Variants in ATP12A observed in about 807,000 individuals in gnomAD.
ATP12A encodes ATPase H+/K+ transporting non-gastric alpha2 subunit.
ATP12A carries 81 observed loss-of-function variants against 111.2 expected under a neutral mutation model. That is an observed-to-expected ratio of 0.73 (90% CI 0.61 to 0.88). The LOEUF is 0.88. ATP12A is among the 40% of genes least tolerant of loss of function. The pLI, the probability that ATP12A is intolerant of heterozygous loss-of-function variation, is 0.00. For synonymous variants in ATP12A, 498 were observed against 499.8 expected (o/e 1.00, Z 0.05); for missense variants, 1,196 against 1,313.1 (o/e 0.91, Z 1.38).
chr13:24,689,330 A>G lies in ATP12A; in HGVS notation c.501A>G (p.Ala167=). 1 of 1,614,108 alleles carries G rather than the reference A, an allele frequency of 6.2e-7. No individual in the cohort carries two copies. The highest frequency in any genetic ancestry group is 1.7e-5 in the Admixed American group (1 of 60,018). The change falls in exon 5 of 23, where the codon GCA becomes GCG. Residue 167 remains alanine (A), a synonymous_variant. Coordinates refer to ENST00000381946, the MANE Select transcript of ATP12A (RefSeq NM_001676.7). ...LTGIFAYYQE[A]KSTNIMSSFN... Reference sequence around the variant, plus strand: ...GGATCTTTGCTTATTACCAAGAGGCAAAAAGCACCAACATCATGTCCAGCT... The same window carrying G: ...GGATCTTTGCTTATTACCAAGAGGCGAAAAGCACCAACATCATGTCCAGCT...
In ATP12A at chr13:24,690,435, C is replaced by T. The variant is rs1874834049; in HGVS notation, c.644C>T (p.Pro215Leu). The change falls in exon 6 of 23, where the codon CCT becomes CTT. Residue 215 changes from proline to leucine, a missense_variant. Transcript: ENST00000381946. ...IVEVKGGDQIPADIRVLSSQG... is the reference protein window; with the variant it reads ...IVEVKGGDQILADIRVLSSQG... ...GAGGTCAAAGGAGGAGACCAGATCC[C>T]TGCAGACATCAGGGTGCTGTCTTCT... The T allele has an allele frequency of 1.9e-6, 3 of 1,613,754 alleles. No individual in the cohort carries two copies. Among genetic ancestry groups the T allele is most frequent in the Non-Finnish European group, 2.5e-6 (3 of 1,179,950 alleles).
chr13:24,704,247 C>T (rs1321054052), intron 14 of ATP12A: 6 of 152,264 alleles, frequency 3.9e-5, no homozygotes. Flanking sequence ...TTCTGCTCGC[C>T]TTGGCTTCCC....
At chr13:24,681,515 C>T (rs202086481) in intron 1 of ATP12A, 47 bp from the exon 2 acceptor site, 47 of 1,590,740 alleles carry the variant, frequency 3.0e-5, no homozygotes, top group East Asian at 1.6e-4. Flanking sequence ...AGCACCTCTT[C>T]GGAAACCCCA....
At chr13:24,690,888 A>G (rs1414769609) in intron 7 of ATP12A, 94 bp from the exon 8 acceptor site, 17 of 1,533,512 alleles carry the variant, frequency 1.1e-5, no homozygotes, top group South Asian at 1.2e-5. Context: ...TGGTGTGCCT[A>G]TCGATTGTGC....
chr13:24,696,962 CTGT>C (rs1875194542), intron 11 of ATP12A, among the ~76,000 whole-genome samples: 2 of 152,188 alleles, frequency 1.3e-5, no homozygotes, highest in Admixed American at 6.5e-5. Flanking sequence ...ACACACTGGT[CTGT>C]TAAGACATTT....
In ATP12A at chr13:24,690,968, T is replaced by C. The variant is rs753297555; in HGVS notation, c.800-14T>C. On this transcript the variant is annotated splice_polypyrimidine_tract_variant and intron_variant, in intron 7 of 22. Coordinates refer to ENST00000381946, the MANE Select transcript of ATP12A (RefSeq NM_001676.7). Reference sequence around the variant, plus strand: ...CTGAGGACCCCTGGAATAAAGCATCTACTTCCCCTGTAGGCACTGTCACCG... The same window carrying C: ...CTGAGGACCCCTGGAATAAAGCATCCACTTCCCCTGTAGGCACTGTCACCG... 1 of 1,613,406 alleles carries C rather than the reference T, an allele frequency of 6.2e-7. No individual in the cohort carries two copies. The highest frequency in any genetic ancestry group is 8.5e-7 in the Non-Finnish European group (1 of 1,179,336).
At chr13:24,704,147 G>A (rs1875514686) in intron 14 of ATP12A, among the ~76,000 whole-genome samples, 1 of 152,076 alleles carries the variant, frequency 6.6e-6, no homozygotes, top group Non-Finnish European at 1.5e-5. Flanking sequence ...ACAGGCATGT[G>A]CCACCACACC....
chr13:24,707,439 T>C lies in ATP12A; in HGVS notation c.2493+6T>C, dbSNP rs1875723293. 1 of 1,614,020 alleles carries C rather than the reference T, an allele frequency of 6.2e-7. No homozygotes were observed. Among genetic ancestry groups the C allele is most frequent in the African/African-American group, 1.3e-5 (1 of 74,912 alleles). ...TTGACTTGGGGACAGACATTGTAAGTGACACTGAAGGGAACAGGCTGTGAT... is the reference window on the plus strand; with the variant it reads ...TTGACTTGGGGACAGACATTGTAAGCGACACTGAAGGGAACAGGCTGTGAT... On this transcript the variant is annotated splice_donor_region_variant and intron_variant, in intron 17 of 22. Transcript: ENST00000381946.
At chr13:24,686,369 G>A (rs528178661) in intron 3 of ATP12A, among the ~76,000 whole-genome samples, 2 of 149,326 alleles carry the variant, frequency 1.3e-5, no homozygotes, top group South Asian at 2.1e-4. Context: ...AAACCCAGGA[G>A]GCAGAGGTTG....
At chr13:24,694,092 C>T (rs1265768691) in intron 10 of ATP12A, among the ~76,000 whole-genome samples, 1 of 152,216 alleles carries the variant, frequency 6.6e-6, no homozygotes, top group Non-Finnish European at 1.5e-5. Flanking sequence ...ACCTTGAACA[C>T]TCACGGACGA....
At chr13:24,683,088 C>T (rs1874541753) in intron 2 of ATP12A, among the ~76,000 whole-genome samples, 1 of 152,056 alleles carries the variant, frequency 6.6e-6, no homozygotes, top group African/African-American at 2.4e-5. Context: ...TCCCGAGTCA[C>T]TGGGATTACA....
chr13:24,711,101 C>T (rs149298158), intron 21 of ATP12A, among the ~76,000 whole-genome samples: 107 of 152,352 alleles, frequency 7.0e-4, no homozygotes, highest in Middle Eastern at 3.4e-3. Context: ...GGCCTTCATC[C>T]TCATCCAACA....
chr13:24,691,398 CTG>C, intron 8 of ATP12A, 148 bp downstream of exon 8: 1 of 1,017,946 alleles, frequency 9.8e-7, no homozygotes, highest in Non-Finnish European at 1.4e-6. Flanking sequence ...TCTGCATAGA[CTG>C]TTCCTTACAG....
At chr13:24,706,525 A>G in intron 15 of ATP12A, 62 bp downstream of exon 15, 1 of 1,573,342 alleles carries the variant, frequency 6.4e-7, no homozygotes, top group Admixed American at 1.8e-5. Context: ...GCAAGTGCAG[A>G]GGTCTGGATC....
rs1874874892 is a variant in ATP12A at position 24,691,027 on chromosome 13, T to C, written c.845T>C (p.Ile282Thr). 2 of 1,614,170 alleles carry C rather than the reference T, an allele frequency of 1.2e-6. No individual in the cohort carries two copies. Among genetic ancestry groups the C allele is most frequent in the Non-Finnish European group, 8.5e-7 (1 of 1,179,998 alleles). Reference protein sequence around the residue: ...MVINTGDRTIIGHIASLASGV... With the variant: ...MVINTGDRTITGHIASLASGV... ...ATCAACACGGGTGACCGCACCATCA[T>C]TGGCCATATTGCCTCATTGGCCTCA... Residue 282 changes from isoleucine (I) to threonine (T), a missense_variant, in exon 8 of 23, where the codon ATT becomes ACT. By Grantham distance (89) the Ile-to-Thr change is moderately conservative. Around this residue, in one of 3 missense-constraint regions of ATP12A, gnomAD observed 1,126 missense variants for 1,228.5 expected, o/e 0.92. Transcript: ENST00000381946.
chr13:24,708,812 AAGAAAGAAAG>A (rs1875776754), intron 17 of ATP12A, among the ~76,000 whole-genome samples: 2 of 151,610 alleles, frequency 1.3e-5, no homozygotes, highest in South Asian at 4.2e-4. Flanking sequence ...AAAAAAGAGA[AAGAAAGAAAG>A]AGAAAGAGAG....
intron 8 of ATP12A, among the ~76,000 whole-genome samples, chr13:24,691,673 A>G (rs1234283269): frequency 6.6e-6 from 1 of 150,620 alleles, no homozygotes; most frequent in Admixed American, 6.6e-5. Flanking sequence ...CCTGCCGAGG[A>G]CTCCAGCCCT....
chr13:24,710,288 C>T (rs1039158200), intron 19 of ATP12A, among the ~76,000 whole-genome samples, 172 bp from the exon 20 acceptor site: 32 of 152,296 alleles, frequency 2.1e-4, no homozygotes, highest in African/African-American at 6.7e-4. Context: ...ACATTTTTCT[C>T]TACTCAGCTG....
chr13:24,702,499 A>G (rs1466020058), intron 14 of ATP12A, among the ~76,000 whole-genome samples: 2 of 152,250 alleles, frequency 1.3e-5, no homozygotes, highest in East Asian at 3.8e-4. Flanking sequence ...CCGGTTTCAT[A>G]ACGTGTAGCT....
Sources: allele counts gnomAD v4.1 joint callset (sites outside exome capture counted in the v4.1 genomes callset), GRCh38; gene constraint gnomAD v4.1.1; regional missense constraint gnomAD v4.1.1; transcripts MANE v1.5; gene names NCBI Gene and HGNC (gene_info 2026-07-23, HGNC 2026-07-21).